WDR64: variants seen among roughly 807,000 people sequenced by gnomAD.
WDR64 encodes WD repeat domain 64.
A neutral mutation model predicts 139.3 loss-of-function variants in WDR64; 112 were observed. The ratio of observed to expected loss-of-function variants is 0.80; its 90% confidence interval spans 0.69 to 0.94. The LOEUF (loss-of-function observed/expected upper bound fraction) is 0.94, where lower values mean the gene tolerates loss of function less well. Among genes scored for constraint, WDR64 ranks in the 40% least tolerant of loss-of-function variants. The pLI, the probability that WDR64 is intolerant of heterozygous loss-of-function variation, is 0.00. For synonymous variants in WDR64, 444 were observed against 437.7 expected (o/e 1.01, Z -0.18); for missense variants, 1,206 against 1,293.1 (o/e 0.93, Z 1.03).
In WDR64 at chr1:241,795,295, G is replaced by GC. The variant is rs770931232; in HGVS notation, c.3078+8_3078+9insC. The GC allele has an allele frequency of 2.9e-5, 46 of 1,608,296 alleles. No homozygotes were observed. Among genetic ancestry groups the GC allele is most frequent in the Non-Finnish European group, 3.7e-5 (44 of 1,176,546 alleles). On this transcript the variant is annotated intron_variant, in intron 26 of 27. Transcript: ENST00000437684. ...TCTCTGCCTATATACAGTGTGAGTT[G>GC]GAGTTTCTAGGAGTAGAGGGGTCAC...
intron 20 of WDR64, among the ~76,000 whole-genome samples, chr1:241,773,990 T>TGAA (rs1441566170): frequency 2.0e-5 from 3 of 152,192 alleles, no homozygotes; most frequent in African/African-American, 7.2e-5. Flanking sequence ...TCGTATTGAG[T>TGAA]GTTCTTCAAT....
At chr1:241,667,300 A>G (rs983777680) in intron 2 of WDR64, among the ~76,000 whole-genome samples, 2 of 152,102 alleles carry the variant, frequency 1.3e-5, no homozygotes, top group African/African-American at 2.4e-5. Context: ...TCAATTGTCT[A>G]CTTTGCGTAA....
intron 2 of WDR64, among the ~76,000 whole-genome samples, chr1:241,668,898 A>C (rs1666120392): frequency 9.9e-6 from 1 of 101,210 alleles, no homozygotes; most frequent in South Asian, 3.0e-4. Flanking sequence ...AGACTCCGTC[A>C]AAAAAAAAAA....
intron 3 of WDR64, among the ~76,000 whole-genome samples, 159 bp downstream of exon 3, chr1:241,671,335 C>T (rs537866622): frequency 9.9e-4 from 150 of 152,124 alleles, no homozygotes; most frequent in African/African-American, 3.5e-3. Context: ...TATGCAGTAT[C>T]AGAAGAAACT....
chr1:241,673,257 C>A (rs909451382), intron 3 of WDR64, among the ~76,000 whole-genome samples: 1 of 151,744 alleles, frequency 6.6e-6, no homozygotes, highest in Non-Finnish European at 1.5e-5. Context: ...GTGCAGCACA[C>A]CAACATGGCA....
intron 3 of WDR64, among the ~76,000 whole-genome samples, chr1:241,673,844 A>T (rs1666346324): frequency 6.6e-6 from 1 of 152,196 alleles, no homozygotes; most frequent in Non-Finnish European, 1.5e-5. Context: ...CAAAATGCAC[A>T]TTTTTTTAAG....
At chr1:241,794,502 CTGTTT>C (rs1659299905) in intron 25 of WDR64, among the ~76,000 whole-genome samples, 2 of 105,020 alleles carry the variant, frequency 1.9e-5, no homozygotes, top group Non-Finnish European at 1.8e-5. Flanking sequence ...TTAAGCTTTA[CTGTTT>C]TTTTTTTTTT....
At chr1:241,665,832 A>G (rs1021701561) in intron 2 of WDR64, among the ~76,000 whole-genome samples, 6 of 152,174 alleles carry the variant, frequency 3.9e-5, no homozygotes, top group Admixed American at 6.5e-5. Context: ...AAATTAATCC[A>G]AAGAAGAGGC....
At chr1:241,741,159 G>T (rs774098750) in intron 11 of WDR64, among the ~76,000 whole-genome samples, 2 of 152,148 alleles carry the variant, frequency 1.3e-5, no homozygotes, top group Admixed American at 6.5e-5. Flanking sequence ...CACCACTATT[G>T]CTGTGCAACA....
intron 10 of WDR64, among the ~76,000 whole-genome samples, chr1:241,737,866 G>A (rs1465351445): frequency 6.6e-6 from 1 of 152,096 alleles, no homozygotes. Context: ...CCTAAAAACT[G>A]CTTTTATAAT....
chr1:241,705,559 A>AATAATAAT (rs1553368511), intron 8 of WDR64, among the ~76,000 whole-genome samples: 1 of 136,668 alleles, frequency 7.3e-6, no homozygotes, highest in Admixed American at 7.5e-5. Flanking sequence ...ATAAATAAAT[A>AATAATAAT]AATAATAATA....
At chr1:241,731,037 A>G (rs1267011893) in intron 10 of WDR64, among the ~76,000 whole-genome samples, 2 of 152,218 alleles carry the variant, frequency 1.3e-5, no homozygotes, top group African/African-American at 2.4e-5. Context: ...GTAGGAATTT[A>G]TCATTCAGTT....
rs116233690 is a variant in WDR64, at chr1:241,664,791, A to G, written c.276+4131A>G. ...TGGAGGATACATTATTGAAATGATAAAGATGAGAAAAATCACAAAAAGGTT... is the reference window on the plus strand; with the variant it reads ...TGGAGGATACATTATTGAAATGATAGAGATGAGAAAAATCACAAAAAGGTT... On this transcript the variant is annotated intron_variant, in intron 2 of 27. Coordinates refer to ENST00000437684, the MANE Select transcript of WDR64 (RefSeq NM_001367482.1). Among the ~76,000 whole-genome samples, 1,340 of 152,314 alleles carry G rather than the reference A, an allele frequency of 8.8e-3. 5 individuals carry two copies. Among genetic ancestry groups the G allele is most frequent in the Non-Finnish European group, 0.014 (934 of 68,014 alleles).
chr1:241,699,532 G>C (rs530286923), intron 8 of WDR64, among the ~76,000 whole-genome samples: 1 of 152,154 alleles, frequency 6.6e-6, no homozygotes, highest in Non-Finnish European at 1.5e-5. Context: ...ACAGATGTAA[G>C]AGAGGGGTAT....
rs558388410 is a variant in WDR64 at position 241,775,235 on chromosome 1, A to G, written c.2536+25A>G. 2.8e-5 allele frequency: 42 copies of G among 1,526,774 alleles called. No individual in the cohort carries two copies. In the Middle Eastern group the frequency reaches 5.0e-4, roughly 18 times the overall value. The allele number at this position is 1,526,774 out of a possible 1,614,324, so 94.6% of individuals were successfully genotyped here. ...GGTGAGTCATTACTCTTAGACATTC[A>G]GTGACAGGTGTCTTAATAGCTTACC... On this transcript the variant is annotated intron_variant, in intron 21 of 27. Transcript: ENST00000437684.
At chr1:241,698,905 C>T (rs1667597844) in intron 8 of WDR64, among the ~76,000 whole-genome samples, 1 of 152,176 alleles carries the variant, frequency 6.6e-6, no homozygotes, top group African/African-American at 2.4e-5. Context: ...TTCTGCAGGG[C>T]TGCAAAGGGT....
chr1:241,722,931 T>G (rs1221251966), intron 9 of WDR64, among the ~76,000 whole-genome samples: 1 of 152,170 alleles, frequency 6.6e-6, no homozygotes, highest in African/African-American at 2.4e-5. Context: ...AATGTTTGCA[T>G]AATTTAAGAA....
chr1:241,672,138 G>A (rs1019418073), intron 3 of WDR64, among the ~76,000 whole-genome samples: 2 of 152,164 alleles, frequency 1.3e-5, no homozygotes, highest in African/African-American at 4.8e-5. Context: ...TGCCACCACT[G>A]CACTCCAGCC....
rs1574102412 is a variant in WDR64, at chr1:241,795,145, A to G, written c.2998-62A>G. ...AGTGACAGAGTCAGGATTTGAACCCAGGTATTTTACCAGTGATAGGATGTG... is the reference window on the plus strand; with the variant it reads ...AGTGACAGAGTCAGGATTTGAACCCGGGTATTTTACCAGTGATAGGATGTG... On this transcript the variant is annotated intron_variant, in intron 25 of 27. Coordinates refer to ENST00000437684, the MANE Select transcript of WDR64 (RefSeq NM_001367482.1). 4 of 1,459,180 alleles carry G rather than the reference A, an allele frequency of 2.7e-6. No individual in the cohort carries two copies. In the South Asian group the frequency reaches 4.8e-5, roughly 17 times the overall value. 90.4% of individuals were successfully genotyped at this position (1,459,180 alleles called of 1,614,324 possible). A position where few individuals can be genotyped will look rare whatever the true frequency, so the allele number is the denominator to read the frequency against.
Sources: gnomAD v4.1 joint callset for allele counts (sites outside exome capture counted in the v4.1 genomes callset) on GRCh38, gnomAD v4.1.1 for gene constraint, MANE v1.5 for transcripts, NCBI Gene and HGNC (gene_info 2026-07-23, HGNC 2026-07-21) for gene names.